The following DPP10 variants were observed in gnomAD, a reference collection of about 807,000 sequenced individuals.
The protein encoded by DPP10 is dipeptidyl peptidase like 10, also known as inactive dipeptidyl peptidase 10.
DPP10 carries 33 observed loss-of-function variants against 120.9 expected under a neutral mutation model. The ratio of observed to expected loss-of-function variants is 0.27; its 90% CI spans 0.21 to 0.37. The LOEUF is 0.37. Among genes scored for constraint, DPP10 ranks in the 10% least tolerant of loss-of-function variants. The pLI, the probability that DPP10 is intolerant of heterozygous loss-of-function variation, is 1.00. For synonymous variants in DPP10, 337 were observed against 326.1 expected, an observed-to-expected ratio of 1.03 and a Z score of -0.36; for missense variants, 816 against 942.8, an observed-to-expected ratio of 0.87 and a Z score of 1.76.
At chr2:115,356,071 C>T (rs2064363982) in intron 3 of DPP10, among the ~76,000 whole-genome samples, 3 of 152,000 alleles carry the variant, frequency 2.0e-5, no homozygotes, top group South Asian at 4.2e-4. Flanking sequence ...AATTTAAAGT[C>T]GTTTTTTCTT....
intron 5 of DPP10, among the ~76,000 whole-genome samples, chr2:115,619,643 A>G (rs1327291559): frequency 6.6e-6 from 1 of 152,190 alleles, no homozygotes; most frequent in East Asian, 1.9e-4. Context: ...CCAAAGGCTC[A>G]GTCAAGTGTC....
At chr2:114,962,743 A>C (rs1339550613) in intron 1 of DPP10, among the ~76,000 whole-genome samples, 1 of 152,224 alleles carries the variant, frequency 6.6e-6, no homozygotes, top group African/African-American at 2.4e-5. Context: ...TGGAAGAGAC[A>C]TAAATGTGGA....
intron 1 of DPP10, among the ~76,000 whole-genome samples, chr2:115,244,797 G>T (rs778520528): frequency 6.6e-6 from 1 of 151,166 alleles, no homozygotes; most frequent in Non-Finnish European, 1.5e-5. Context: ...ATATGTGTGT[G>T]TGTGTGTATA....
At chr2:114,509,528 C>T (rs915742096) in intron 1 of DPP10, among the ~76,000 whole-genome samples, 1 of 152,152 alleles carries the variant, frequency 6.6e-6, no homozygotes, top group African/African-American at 2.4e-5. Flanking sequence ...TCCCCAAGGT[C>T]TCTGATGGAA....
intron 1 of DPP10, among the ~76,000 whole-genome samples, chr2:114,469,556 C>T (rs1173876918): frequency 2.6e-5 from 4 of 151,880 alleles, no homozygotes; most frequent in Admixed American, 1.3e-4. Context: ...GGCAAAACCC[C>T]GTGTCTACTA....
intron 1 of DPP10, among the ~76,000 whole-genome samples, chr2:115,302,872 A>G (rs923383655): frequency 1.3e-5 from 2 of 152,144 alleles, no homozygotes; most frequent in Admixed American, 6.6e-5. Flanking sequence ...TAGAAGAAGG[A>G]TAAATGAGGA....
At chr2:114,758,019 A>G (rs1254890345) in intron 1 of DPP10, among the ~76,000 whole-genome samples, 1 of 152,052 alleles carries the variant, frequency 6.6e-6, no homozygotes, top group Admixed American at 6.6e-5. Flanking sequence ...GCCTCCCTCT[A>G]TGTTATACAC....
intron 1 of DPP10, among the ~76,000 whole-genome samples, chr2:115,286,526 A>ATATATATATATATTAT (rs10675008): frequency 4.9e-5 from 3 of 60,946 alleles, no homozygotes; most frequent in Non-Finnish European, 9.9e-5. Flanking sequence ...ATATATATAT[A>ATATATATATATATTAT]ATATATATAT....
At chr2:114,787,256 C>A (rs1415599357) in intron 1 of DPP10, among the ~76,000 whole-genome samples, 3 of 152,122 alleles carry the variant, frequency 2.0e-5, no homozygotes, top group African/African-American at 4.8e-5. Context: ...GAGAGAACAT[C>A]AAGTGCAAAA....
At chr2:115,466,955 A>G (rs2074364495) in intron 3 of DPP10, among the ~76,000 whole-genome samples, 1 of 151,894 alleles carries the variant, frequency 6.6e-6, no homozygotes, top group Non-Finnish European at 1.5e-5. Flanking sequence ...TTTGAATTCA[A>G]TTTTTTTTGA....
chr2:115,291,315 C>G (rs1194769163), intron 1 of DPP10, among the ~76,000 whole-genome samples: 1 of 152,038 alleles, frequency 6.6e-6, no homozygotes, highest in African/African-American at 2.4e-5. Context: ...CTGCTTCATT[C>G]TAACATACCA....
At chr2:114,523,979 A>G (rs1440453229) in intron 1 of DPP10, among the ~76,000 whole-genome samples, 1 of 152,230 alleles carries the variant, frequency 6.6e-6, no homozygotes, top group Non-Finnish European at 1.5e-5. Context: ...GACTAGAAAG[A>G]CATTGACATT....
intron 1 of DPP10, among the ~76,000 whole-genome samples, chr2:114,924,665 G>A (rs1695466574): frequency 6.6e-6 from 1 of 152,016 alleles, no homozygotes; most frequent in Non-Finnish European, 1.5e-5. Flanking sequence ...TTTCGGAAAA[G>A]GAAATAAGAC....
intron 1 of DPP10, among the ~76,000 whole-genome samples, chr2:114,714,065 TTGTGTTTGTGTG>T (rs989980360): frequency 7.7e-5 from 9 of 116,838 alleles, no homozygotes; most frequent in African/African-American, 2.3e-4. Context: ...CTGAGTGGAT[TTGTGTTTGTGTG>T]TGTGTGTGTG....
At chr2:115,723,238 G>A (rs895804844) in intron 7 of DPP10, among the ~76,000 whole-genome samples, 6 of 152,124 alleles carry the variant, frequency 3.9e-5, no homozygotes, top group African/African-American at 1.2e-4. Flanking sequence ...TTTATGTGTC[G>A]GCGAGATTAC....
rs554050041 is a variant in DPP10 at position 114,879,920 on chromosome 2, A to G, written c.61-429319A>G. 4.6e-5 allele frequency among the ~76,000 whole-genome samples: 7 copies of G among 152,260 alleles called. 1 individual carries two copies. The South Asian group carries it at 1.0e-3, about 23-fold the overall frequency. ...GAGAACCTGCTCAGTAATTTAGAGA[A>G]TTTAGCACTAATAAAGACTAAGATG... On this transcript the variant is annotated intron_variant, in intron 1 of 25. Coordinates refer to ENST00000410059, the MANE Select transcript of DPP10 (RefSeq NM_020868.6).
chr2:115,782,856 T>C (rs1682930933), intron 17 of DPP10, among the ~76,000 whole-genome samples: 1 of 152,136 alleles, frequency 6.6e-6, no homozygotes, highest in Admixed American at 6.6e-5. Flanking sequence ...TATGCACTTT[T>C]TCATTTATGA....
At chr2:114,776,536 C>A (rs959930379) in intron 1 of DPP10, among the ~76,000 whole-genome samples, 4 of 152,116 alleles carry the variant, frequency 2.6e-5, no homozygotes. Flanking sequence ...TCTGAGTGAA[C>A]ACTGCCAGTA....
intron 1 of DPP10, among the ~76,000 whole-genome samples, chr2:114,806,312 A>G (rs1345935150): frequency 1.3e-5 from 2 of 152,188 alleles, no homozygotes; most frequent in Non-Finnish European, 2.9e-5. Context: ...TATTTTCCCC[A>G]TTTGATATTA....
Sources: gnomAD v4.1 joint callset for allele counts (sites outside exome capture counted in the v4.1 genomes callset) on GRCh38, gnomAD v4.1.1 for gene constraint, MANE v1.5 for transcripts, NCBI Gene and HGNC (gene_info 2026-07-23, HGNC 2026-07-21) for gene names.